Variants in FSTL5 observed in about 807,000 individuals in gnomAD.
FSTL5 encodes the protein follistatin-related protein 5.
A neutral mutation model predicts 89.1 loss-of-function variants in FSTL5; 62 were observed. The observed-to-expected ratio is 0.70, with a 90% CI of 0.57 to 0.86. The LOEUF is 0.86. Among genes scored for constraint, FSTL5 ranks in the 40% least tolerant of loss-of-function variants. FSTL5 has a pLI of 0.00. For synonymous variants in FSTL5, 383 were observed against 346.2 expected, an observed-to-expected ratio of 1.11 and a Z score of -1.18; for missense variants, 1,057 against 1,001.6, an observed-to-expected ratio of 1.06 and a Z score of -0.75.
At chr4:161,527,690 G>A (rs1731272902) in intron 10 of FSTL5, among the ~76,000 whole-genome samples, 1 of 151,674 alleles carries the variant, frequency 6.6e-6, no homozygotes, top group South Asian at 2.1e-4. Context: ...CTTTTACACT[G>A]TTGGTGGGAC....
At chr4:161,396,903 T>C (rs1358502179) in intron 15 of FSTL5, among the ~76,000 whole-genome samples, 1 of 151,986 alleles carries the variant, frequency 6.6e-6, no homozygotes, top group Non-Finnish European at 1.5e-5. Flanking sequence ...AAAAGAAGGA[T>C]CTTGTCCATA....
At chr4:162,015,956 A>G (rs1252417372) in intron 3 of FSTL5, among the ~76,000 whole-genome samples, 1 of 152,180 alleles carries the variant, frequency 6.6e-6, no homozygotes, top group Non-Finnish European at 1.5e-5. Context: ...TTCAATTTCA[A>G]AATAAAGTGG....
intron 13 of FSTL5, among the ~76,000 whole-genome samples, chr4:161,462,507 C>T (rs10024340): frequency 1.3e-3 from 196 of 152,270 alleles, no homozygotes; most frequent in African/African-American, 4.6e-3. Context: ...AACTCTTTCA[C>T]TTACATTAAA....
Position 162,121,365 on chromosome 4 carries a change from A to AT in FSTL5, c.-16-9954dup, listed in dbSNP as rs1242247849. The stretch of plus-strand genomic sequence containing the variant: ...AAAGCAATACAACATATAGTGACTC[A>AT]TTTTTTACCTCTCAAAACAAGTCCC... On this transcript the variant is annotated intron_variant, in intron 1 of 15. Coordinates refer to ENST00000306100, the MANE Select transcript of FSTL5 (RefSeq NM_020116.5). Among the ~76,000 whole-genome samples the AT allele has an allele frequency of 2.6e-5, 4 of 151,970 alleles. No homozygotes were observed. In the South Asian group the frequency reaches 6.2e-4, roughly 24 times the overall value.
At chr4:161,394,663 C>T (rs1560873515) in intron 15 of FSTL5, among the ~76,000 whole-genome samples, 1 of 152,184 alleles carries the variant, frequency 6.6e-6, no homozygotes, top group Non-Finnish European at 1.5e-5. Context: ...TTACCCTTTA[C>T]AATTTCTCCA....
At chr4:161,792,328 T>G (rs1380922644) in intron 4 of FSTL5, among the ~76,000 whole-genome samples, 1 of 152,040 alleles carries the variant, frequency 6.6e-6, no homozygotes, top group African/African-American at 2.4e-5. Flanking sequence ...GGCATGGGAC[T>G]CTAGGCGCCC....
chr4:161,873,902 T>C (rs2126903002), intron 4 of FSTL5, among the ~76,000 whole-genome samples: 1 of 152,202 alleles, frequency 6.6e-6, no homozygotes, highest in African/African-American at 2.4e-5. Flanking sequence ...TACAGTGTTT[T>C]AGTTGTGTGA....
At chr4:161,620,715 C>T (rs1324882898) in intron 7 of FSTL5, among the ~76,000 whole-genome samples, 1 of 151,882 alleles carries the variant, frequency 6.6e-6, no homozygotes, top group East Asian at 1.9e-4. Context: ...AGGATGAAAG[C>T]CAATGGCACA....
At chr4:162,141,840 G>C (rs2111484433) in intron 1 of FSTL5, among the ~76,000 whole-genome samples, 1 of 152,186 alleles carries the variant, frequency 6.6e-6, no homozygotes, top group South Asian at 2.1e-4. Context: ...TGAAAGTCAT[G>C]AATGGGAGTA....
chr4:161,493,409 GA>G lies in FSTL5; in HGVS notation c.1458+6606del, dbSNP rs767274048. Among the ~76,000 whole-genome samples the G allele has an allele frequency of 2.7e-4, 41 of 151,628 alleles. 1 individual carries two copies. The highest frequency in any genetic ancestry group is 1.2e-3 in the South Asian group (6 of 4,806). On this transcript the variant is annotated intron_variant, in intron 12 of 15. Coordinates refer to ENST00000306100, the MANE Select transcript of FSTL5 (RefSeq NM_020116.5). ...TATGAGCTGGAACTAGACATAGGGG[GA>G]CATGAAGGAATAATCTACTATATTT...
intron 3 of FSTL5, among the ~76,000 whole-genome samples, chr4:162,033,009 A>G (rs1025853015): frequency 1.3e-5 from 2 of 152,146 alleles, no homozygotes; most frequent in Admixed American, 6.6e-5. Flanking sequence ...AGGTTGTGAT[A>G]TGCCATCATT....
At chr4:161,987,478 A>C (rs1388625623) in intron 3 of FSTL5, among the ~76,000 whole-genome samples, 3 of 143,494 alleles carry the variant, frequency 2.1e-5, no homozygotes, top group Non-Finnish European at 4.5e-5. Context: ...ATGTATATAT[A>C]TATATATACA....
At chr4:162,087,112 T>C (rs766827144) in intron 2 of FSTL5, among the ~76,000 whole-genome samples, 1 of 152,134 alleles carries the variant, frequency 6.6e-6, no homozygotes, top group Non-Finnish European at 1.5e-5. Flanking sequence ...AACTCTTCTC[T>C]AGATTTTCAG....
chr4:161,982,559 T>C (rs1180227837), intron 3 of FSTL5, among the ~76,000 whole-genome samples: 1 of 152,208 alleles, frequency 6.6e-6, no homozygotes, highest in African/African-American at 2.4e-5. Context: ...CACACTTGTG[T>C]TACCTATTTC....
chr4:161,469,116 T>G (rs1409755370), intron 13 of FSTL5, among the ~76,000 whole-genome samples: 3 of 152,114 alleles, frequency 2.0e-5, no homozygotes, highest in Non-Finnish European at 4.4e-5. Context: ...ACTATTCTAC[T>G]TTCAGTCTCT....
At chr4:162,050,273 GA>G (rs1458226398) in intron 2 of FSTL5, among the ~76,000 whole-genome samples, 1 of 151,058 alleles carries the variant, frequency 6.6e-6, no homozygotes, top group Non-Finnish European at 1.5e-5. Context: ...ATATATTCTG[GA>G]AAAAATAATA....
At chr4:162,086,297 C>T (rs553170450) in intron 2 of FSTL5, among the ~76,000 whole-genome samples, 3 of 151,992 alleles carry the variant, frequency 2.0e-5, no homozygotes, top group East Asian at 3.9e-4. Context: ...CTCTCTCATG[C>T]TCATTCCCCC....
intron 7 of FSTL5, among the ~76,000 whole-genome samples, chr4:161,642,985 T>C (rs1235652469): frequency 6.6e-6 from 1 of 152,166 alleles, no homozygotes; most frequent in Non-Finnish European, 1.5e-5. Flanking sequence ...ATTTAAAAAT[T>C]AGAAAAAATC....
rs1029305735 is a variant in FSTL5, at chr4:161,748,673, C to T, written c.727+10738G>A. 2.9e-5 allele frequency among the ~76,000 whole-genome samples: 4 copies of T among 139,240 alleles called. No homozygotes were observed. The East Asian group carries it at 6.4e-4, about 22-fold the overall frequency. The allele number at this position is 139,240 out of a possible 152,430, so 91.3% of individuals were successfully genotyped here. A position where few individuals can be genotyped will look rare whatever the true frequency, so the allele number is the denominator to read the frequency against. ...CACATGAAAAGACTTACACGATTGG[C>T]GAATTTCTTTTAAGGAAAGGAAAGA... On this transcript the variant is annotated intron_variant, in intron 6 of 15. Coordinates refer to ENST00000306100, the MANE Select transcript of FSTL5 (RefSeq NM_020116.5).
Sources: allele counts gnomAD v4.1 joint callset (sites outside exome capture counted in the v4.1 genomes callset), GRCh38; gene constraint gnomAD v4.1.1; transcripts MANE v1.5; gene names NCBI Gene and HGNC (gene_info 2026-07-23, HGNC 2026-07-21).